The following RPS21 variants were observed in gnomAD, a reference collection of about 807,000 sequenced individuals.
RPS21 encodes the protein small ribosomal subunit protein eS21.
Under a neutral mutation model 14.5 loss-of-function variants are expected in RPS21, and 6 were observed. The observed-to-expected ratio is 0.41, with a 90% CI of 0.23 to 0.82. The LOEUF (loss-of-function observed/expected upper bound fraction) is 0.82, where lower values mean the gene tolerates loss of function less well. RPS21 is among the 40% of genes least tolerant of loss of function. The pLI, the probability that RPS21 is intolerant of heterozygous loss-of-function variation, is 0.31. For synonymous variants in RPS21, 61 were observed against 42.6 expected (o/e 1.43, Z -1.69); for missense variants, 85 against 115.0 (o/e 0.74, Z 1.19).
Position 62,387,752 on chromosome 20 carries a change from C to G in RPS21, c.114+78C>G, listed in dbSNP as rs753889775. ...CAGGCTGTCCCATTGTGGAGGAGCC[C>G]CTGGGGTGAAGGTACAGGCAGAGGC... On this transcript the variant is annotated intron_variant, in intron 3 of 5. Transcript: ENST00000343986. 26 of 1,613,954 alleles carry G rather than the reference C, an allele frequency of 1.6e-5. No homozygotes were observed. The East Asian group carries it at 5.3e-4, about 33-fold the overall frequency.
chr20:62,388,361 C>T lies in RPS21; in HGVS notation c.239C>T (p.Ser80Leu). 1.2e-6 allele frequency: 2 copies of T among 1,605,536 alleles called. No homozygotes were observed. Among genetic ancestry groups the T allele is most frequent in the South Asian group, 1.1e-5 (1 of 89,014 alleles). The change falls in exon 5 of 6, where the codon TCA becomes TTA. Residue 80 changes from serine (S) to leucine (L), a missense_variant. Transcript: ENST00000343986. ...TTGGCCAAGGCCGATGGCATCGTCT[C>T]AAAGTAAGGTTGGGGGCTCACATTT... ...LRLAKADGIVSKNF is the reference protein window; with the variant it reads ...LRLAKADGIVLKNF
rs1987834618 is a variant in RPS21, at chr20:62,388,497, T to C, written c.*31T>C. On this transcript the variant is annotated 3_prime_UTR_variant, in exon 6 of 6. Coordinates refer to ENST00000343986, the MANE Select transcript of RPS21 (RefSeq NM_001024.4). ...GAGAATCACAGATGTGGAATATTTG[T>C]CATAAATAAATAATGAAAACCTACC... The C allele has an allele frequency of 6.2e-7, 1 of 1,610,752 alleles. No individual in the cohort carries two copies. Among genetic ancestry groups the C allele is most frequent in the African/African-American group, 1.3e-5 (1 of 74,878 alleles).
At chr20:62,387,213 G>C in intron 1 of RPS21, 77 bp downstream of exon 1, 1 of 752,880 alleles carries the variant, frequency 1.3e-6, no homozygotes, top group Admixed American at 2.8e-5. Context: ...GGGGGACGGG[G>C]TGCGGGGTGC....
At chr20:62,387,994 C>T (rs1185169273) in intron 4 of RPS21, 80 bp downstream of exon 4, 1 of 1,613,250 alleles carries the variant, frequency 6.2e-7, no homozygotes, top group Admixed American at 1.7e-5. Context: ...GTGATGGTGC[C>T]TGAGTAGATC....
chr20:62,387,417 G>A (rs773597821), intron 2 of RPS21, 29 bp downstream of exon 2: 1 of 1,607,428 alleles, frequency 6.2e-7, no homozygotes, highest in Non-Finnish European at 8.5e-7. Context: ...CCTCTCTTCC[G>A]TCCTTACCTA....
At chr20:62,387,766 A>T in intron 3 of RPS21, 77 bp from the exon 4 acceptor site, 1 of 1,613,986 alleles carries the variant, frequency 6.2e-7, no homozygotes, top group Non-Finnish European at 8.5e-7. Context: ...GGGTGAAGGT[A>T]CAGGCAGAGG....
chr20:62,388,005 T>G, intron 4 of RPS21, 91 bp downstream of exon 4: 4 of 1,611,724 alleles, frequency 2.5e-6, no homozygotes, highest in Non-Finnish European at 2.5e-6. Context: ...TGAGTAGATC[T>G]GCTGGCAGAG....
At chr20:62,388,264 G>T in intron 4 of RPS21, 45 bp from the exon 5 acceptor site, 1 of 1,567,534 alleles carries the variant, frequency 6.4e-7, no homozygotes, top group Admixed American at 2.1e-5. Flanking sequence ...ATCTCAGGCA[G>T]CCGGAGTGGA....
At position 62,387,263 on chromosome 20, in the gene RPS21, G is replaced by C; in HGVS notation, c.-18-58G>C. Reference sequence around the variant, plus strand: ...GCCGTGACCCTAGGGGCCGGTTTGCGCCGGGAGCCGGGGCACGGTTCCGGC... The same window carrying C: ...GCCGTGACCCTAGGGGCCGGTTTGCCCCGGGAGCCGGGGCACGGTTCCGGC... On this transcript the variant is annotated intron_variant, in intron 1 of 5. Coordinates refer to ENST00000343986, the MANE Select transcript of RPS21 (RefSeq NM_001024.4). 3 of 1,389,002 alleles carry C rather than the reference G, an allele frequency of 2.2e-6. No homozygotes were observed. The South Asian group carries it at 3.7e-5, about 17-fold the overall frequency. 86.0% of individuals were successfully genotyped at this position (1,389,002 alleles called of 1,614,324 possible). A position where few individuals can be genotyped will look rare whatever the true frequency, so the allele number is the denominator to read the frequency against.
At position 62,387,134 on chromosome 20, in the gene RPS21, C is replaced by T. The variant is rs1342276837; in HGVS notation, c.-21C>T. Reference sequence around the variant, plus strand: ...TCTCTCGCGCGCGGTGTGGTGGCAGCAGGTGTGGCGCGCGGCGCGGGCTTC... The same window carrying T: ...TCTCTCGCGCGCGGTGTGGTGGCAGTAGGTGTGGCGCGCGGCGCGGGCTTC... On this transcript the variant is annotated splice_region_variant and 5_prime_UTR_variant, in exon 1 of 6. Transcript: ENST00000343986. 2.5e-5 allele frequency: 12 copies of T among 487,764 alleles called. No homozygotes were observed. The highest frequency in any genetic ancestry group is 1.1e-4 in the East Asian group (3 of 27,992). 30.2% of individuals were successfully genotyped at this position (487,764 alleles called of 1,614,324 possible).
rs568114741 is a variant in RPS21 at position 62,388,357 on chromosome 20, G to T, written c.235G>T (p.Val79Phe). 5.0e-6 allele frequency: 8 copies of T among 1,604,248 alleles called. No individual in the cohort carries two copies. The Admixed American group carries it at 1.2e-4, about 25-fold the overall frequency. ...CCGATTGGCCAAGGCCGATGGCATC[G>T]TCTCAAAGTAAGGTTGGGGGCTCAC... The part of the protein sequence containing the change: ...ILRLAKADGI[V>F]SKNF Residue 79 changes from valine (V) to phenylalanine (F), a missense_variant, in exon 5 of 6, where the codon GTC becomes TTC. Physicochemically the swap from Val to Phe is conservative, Grantham distance 50. Coordinates refer to ENST00000343986, the MANE Select transcript of RPS21 (RefSeq NM_001024.4).
rs747954918 is a variant in RPS21, at chr20:62,387,400, C to G, written c.50+12C>G. On this transcript the variant is annotated intron_variant, in intron 2 of 5. Coordinates refer to ENST00000343986, the MANE Select transcript of RPS21 (RefSeq NM_001024.4). ...GTGCCGCGGAAATGGTAAGCGCCCC[C>G]CACATGCCTCTCTTCCGTCCTTACC... 1.9e-6 allele frequency: 3 copies of G among 1,608,056 alleles called. No homozygotes were observed. In the East Asian group the frequency reaches 6.7e-5, roughly 36 times the overall value.
At chr20:62,387,952 C>T (rs1167063104) in intron 4 of RPS21, 38 bp downstream of exon 4, 1 of 1,614,246 alleles carries the variant, frequency 6.2e-7, no homozygotes, top group Admixed American at 1.7e-5. Context: ...CACTTCGGGA[C>T]ATCGTGGACT....
chr20:62,388,002 A>T, intron 4 of RPS21, 88 bp downstream of exon 4: 1 of 1,612,046 alleles, frequency 6.2e-7, no homozygotes, highest in Non-Finnish European at 8.5e-7. Flanking sequence ...GCCTGAGTAG[A>T]TCTGCTGGCA....
intron 4 of RPS21, 126 bp from the exon 5 acceptor site, chr20:62,388,183 C>T (rs1392154008): frequency 6.9e-7 from 1 of 1,454,682 alleles, no homozygotes; most frequent in Non-Finnish European, 9.2e-7. Flanking sequence ...GAGGTGGCTC[C>T]CCTTCTGCGC....
chr20:62,387,494 T>G (rs1987775517), intron 2 of RPS21, 106 bp downstream of exon 2: 1 of 1,586,936 alleles, frequency 6.3e-7, no homozygotes, highest in Non-Finnish European at 8.6e-7. Flanking sequence ...GTCACGTCCC[T>G]AACTTGTCCT....
rs549911592 is a variant in RPS21 at position 62,387,518 on chromosome 20, C to G, written c.51-93C>G. 20 of 1,587,522 alleles carry G rather than the reference C, an allele frequency of 1.3e-5. No individual in the cohort carries two copies. The East Asian group carries it at 4.0e-4, about 32-fold the overall frequency. On this transcript the variant is annotated intron_variant, in intron 2 of 5. Transcript: ENST00000343986. The stretch of plus-strand genomic sequence containing the variant: ...CTAACTTGTCCTGCCCCCGACGTTA[C>G]TCTTTTCCATTCATATACCCCCAAC...
At position 62,387,342 on chromosome 20, in the gene RPS21, C is replaced by A; in HGVS notation, c.4C>A (p.Gln2Lys). ...CCAGGCGCAGCCCAGCCTCGAAATGCAGAACGACGCCGGCGAGTTCGTGGA... is the reference window on the plus strand; with the variant it reads ...CCAGGCGCAGCCCAGCCTCGAAATGAAGAACGACGCCGGCGAGTTCGTGGA... M[Q>K]NDAGEFVDLY... The change falls in exon 2 of 6, where the codon CAG becomes AAG. Residue 2 changes from glutamine to lysine, a missense_variant. By Grantham distance (53) the Gln-to-Lys change is moderately conservative. Transcript: ENST00000343986. 1 of 1,602,546 alleles carries A rather than the reference C, an allele frequency of 6.2e-7. No homozygotes were observed.
intron 1 of RPS21, 67 bp downstream of exon 1, chr20:62,387,203 G>A (rs1292501776): frequency 7.2e-6 from 5 of 694,558 alleles, no homozygotes; most frequent in African/African-American, 1.9e-5. Flanking sequence ...GCTTGGACGC[G>A]GGGGACGGGG....
Sources: gnomAD v4.1 joint callset for allele counts on GRCh38, gnomAD v4.1.1 for gene constraint, MANE v1.5 for transcripts, NCBI Gene and HGNC (gene_info 2026-07-23, HGNC 2026-07-21) for gene names.